Variants in SAMD4A observed in about 807,000 individuals in gnomAD.
The protein encoded by SAMD4A is sterile alpha motif domain containing 4A, also known as protein Smaug homolog 1.
Under a neutral mutation model 81.3 loss-of-function variants are expected in SAMD4A, and 33 were observed. That is an observed-to-expected ratio of 0.41 (90% CI 0.31 to 0.54). SAMD4A has a LOEUF of 0.54. Among genes scored for constraint, SAMD4A ranks in the 20% least tolerant of loss-of-function variants. The probability of loss-of-function intolerance (pLI) is 0.37; values close to 1 mark genes in which losing one functional copy is unlikely to be tolerated. For synonymous variants in SAMD4A, 389 were observed against 382.1 expected (o/e 1.02, Z -0.21); for missense variants, 854 against 951.1 (o/e 0.90, Z 1.34).
At chr14:54,644,384 A>G (rs942607) in intron 2 of SAMD4A, among the ~76,000 whole-genome samples, 57,196 of 152,118 alleles carry the variant, frequency 0.38, 12,027 homozygotes, top group East Asian at 0.73. Flanking sequence ...GTTGACGGGT[A>G]ATAGCTAACT....
At chr14:54,643,059 C>T (rs1336701963) in intron 2 of SAMD4A, among the ~76,000 whole-genome samples, 1 of 152,206 alleles carries the variant, frequency 6.6e-6, no homozygotes, top group Non-Finnish European at 1.5e-5. Flanking sequence ...GATAGAAAAG[C>T]AGATACTCAA....
intron 2 of SAMD4A, among the ~76,000 whole-genome samples, chr14:54,575,443 G>C (rs1194870898): frequency 6.6e-6 from 1 of 152,174 alleles, no homozygotes; most frequent in Non-Finnish European, 1.5e-5. Flanking sequence ...CATTTTCTGA[G>C]TCTCTCTACA....
chr14:54,592,083 C>T (rs2033793116), intron 2 of SAMD4A, among the ~76,000 whole-genome samples: 1 of 152,130 alleles, frequency 6.6e-6, no homozygotes, highest in South Asian at 2.1e-4. Flanking sequence ...CCCACCCATC[C>T]GTCAGAGCCC....
At chr14:54,641,327 T>C (rs983130296) in intron 2 of SAMD4A, among the ~76,000 whole-genome samples, 2 of 152,254 alleles carry the variant, frequency 1.3e-5, no homozygotes, top group Non-Finnish European at 2.9e-5. Context: ...TCTGGGTCTA[T>C]AAGCAGGGAC....
At chr14:54,684,781 A>T (rs2036218288) in intron 2 of SAMD4A, among the ~76,000 whole-genome samples, 1 of 152,248 alleles carries the variant, frequency 6.6e-6, no homozygotes, top group South Asian at 2.1e-4. Flanking sequence ...TTATTCTTCC[A>T]GACCTGGGCC....
At chr14:54,776,637 C>T in intron 11 of SAMD4A, 97 bp downstream of exon 11, 1 of 1,309,676 alleles carries the variant, frequency 7.6e-7, no homozygotes, top group East Asian at 2.8e-5. Flanking sequence ...TCGACTGTCA[C>T]CGTGCATTCT....
rs1365137970 is a variant in SAMD4A at position 54,774,184 on chromosome 14, C to T, written c.1716-750C>T. Among the ~76,000 whole-genome samples, 5 of 152,236 alleles carry T rather than the reference C, an allele frequency of 3.3e-5. No homozygotes were observed. In the East Asian group the frequency reaches 9.6e-4, roughly 29 times the overall value. ...TGAACCTGCTGAGCCTGCGTGCCAG[C>T]GCTGCCCCCTGCTGGCTGTGTGACC... On this transcript the variant is annotated intron_variant, in intron 9 of 12. Coordinates refer to ENST00000554335, the MANE Select transcript of SAMD4A (RefSeq NM_015589.6).
At chr14:54,678,481 G>GAGAC (rs2036044454) in intron 2 of SAMD4A, among the ~76,000 whole-genome samples, 1 of 81,494 alleles carries the variant, frequency 1.2e-5, no homozygotes, top group African/African-American at 3.9e-5. Flanking sequence ...GTGTGTGTGT[G>GAGAC]TGTGTGTGTG....
At chr14:54,623,873 A>G (rs1006266064) in intron 2 of SAMD4A, among the ~76,000 whole-genome samples, 8 of 152,258 alleles carry the variant, frequency 5.3e-5, no homozygotes, top group African/African-American at 1.9e-4. Context: ...TTAACCAGGA[A>G]GAAAAGAGAA....
At chr14:54,626,065 C>CGT (rs1566554504) in intron 2 of SAMD4A, among the ~76,000 whole-genome samples, 3 of 99,540 alleles carry the variant, frequency 3.0e-5, no homozygotes, top group East Asian at 4.4e-4. Flanking sequence ...TGTGTGCGCG[C>CGT]GCGCGCGCGC....
At chr14:54,725,119 A>G (rs2037381178) in intron 3 of SAMD4A, among the ~76,000 whole-genome samples, 1 of 152,226 alleles carries the variant, frequency 6.6e-6, no homozygotes, top group Non-Finnish European at 1.5e-5. Flanking sequence ...TGCTTTGCAT[A>G]TGAGGAACCC....
intron 2 of SAMD4A, among the ~76,000 whole-genome samples, chr14:54,623,673 G>C (rs1289568907): frequency 6.6e-6 from 1 of 152,116 alleles, no homozygotes; most frequent in East Asian, 1.9e-4. Context: ...TGCTGAATTC[G>C]AGGGAAGGAT....
chr14:54,788,461 C>T (rs966017042), intron 12 of SAMD4A, among the ~76,000 whole-genome samples: 5 of 152,112 alleles, frequency 3.3e-5, no homozygotes, highest in African/African-American at 9.7e-5. Flanking sequence ...ATGCATGCAC[C>T]GCACACCATC....
chr14:54,776,463 C>G lies in SAMD4A; in HGVS notation c.1967C>G (p.Thr656Ser). 1.3e-6 allele frequency: 2 copies of G among 1,595,226 alleles called. No individual in the cohort carries two copies. Among genetic ancestry groups the G allele is most frequent in the Non-Finnish European group, 8.5e-7 (1 of 1,171,758 alleles). ...PGGSNSMPSR[T>S]HSSVQRTRSL... is the part of the protein sequence containing the mutation. ...GGCAGCAATAGCATGCCAAGCCGCA[C>G]CCACAGCTCAGTCCAGAGGACCCGC... The change falls in exon 11 of 13, where the codon ACC becomes AGC. Residue 656 changes from threonine (T) to serine (S), a missense_variant. Around this residue, in one of 3 missense-constraint regions of SAMD4A, gnomAD observed 428 missense variants for 471.2 expected, o/e 0.91. Coordinates refer to ENST00000554335, the MANE Select transcript of SAMD4A (RefSeq NM_015589.6).
rs140633130 is a variant in SAMD4A at position 54,630,594 on chromosome 14, T to C, written c.196+62482T>C. ...CTGAGTATTAACCCCTTATCAGATA[T>C]ACGTATGAGTCTTTAGCTTTTAAGC... On this transcript the variant is annotated intron_variant, in intron 2 of 12. Transcript: ENST00000554335. 8.5e-5 allele frequency among the ~76,000 whole-genome samples: 13 copies of C among 152,350 alleles called. No individual in the cohort carries two copies. In the East Asian group the frequency reaches 2.5e-3, roughly 29 times the overall value.
chr14:54,770,985 A>G (rs1164549178), intron 9 of SAMD4A, among the ~76,000 whole-genome samples: 4 of 152,124 alleles, frequency 2.6e-5, no homozygotes, highest in Non-Finnish European at 5.9e-5. Flanking sequence ...TTAAAACATG[A>G]GCAGATAATT....
chr14:54,700,218 G>A (rs901804945), intron 2 of SAMD4A, among the ~76,000 whole-genome samples: 1 of 152,042 alleles, frequency 6.6e-6, no homozygotes, highest in Non-Finnish European at 1.5e-5. Context: ...GCTACTTTAC[G>A]TTATTTAATC....
chr14:54,716,113 A>G (rs1775140818), intron 3 of SAMD4A, among the ~76,000 whole-genome samples: 1 of 152,224 alleles, frequency 6.6e-6, no homozygotes, highest in South Asian at 2.1e-4. Context: ...AGATCTGATA[A>G]ATATTTAGCA....
intron 2 of SAMD4A, among the ~76,000 whole-genome samples, chr14:54,655,250 A>G (rs1177495961): frequency 1.3e-5 from 2 of 152,046 alleles, no homozygotes; most frequent in Non-Finnish European, 2.9e-5. Flanking sequence ...TGTCCTTCCC[A>G]CAGCTGGAGG....
Sources: gnomAD v4.1 joint callset for allele counts (sites outside exome capture counted in the v4.1 genomes callset) on GRCh38, gnomAD v4.1.1 for gene constraint, gnomAD v4.1.1 regional missense constraint, MANE v1.5 for transcripts, NCBI Gene and HGNC (gene_info 2026-07-23, HGNC 2026-07-21) for gene names.